Variants in OPCML observed in about 807,000 individuals in gnomAD.
The protein encoded by OPCML is opioid binding protein/cell adhesion molecule like.
A neutral mutation model predicts 37.8 loss-of-function variants in OPCML; 13 were observed. The observed-to-expected ratio is 0.34, with a 90% CI of 0.22 to 0.55. The LOEUF is 0.55. OPCML is among the 20% of genes least tolerant of loss of function. OPCML has a pLI of 0.91. For synonymous variants in OPCML, 176 were observed against 168.8 expected (o/e 1.04, Z -0.33); for missense variants, 341 against 435.6 (o/e 0.78, Z 1.93).
intron 1 of OPCML, among the ~76,000 whole-genome samples, chr11:133,052,526 C>T (rs543769220): frequency 1.3e-5 from 2 of 152,346 alleles, no homozygotes; most frequent in Non-Finnish European, 2.9e-5. Context: ...TAGGGGACAT[C>T]TGCCCTTCAC....
In OPCML at chr11:132,664,261, GT is replaced by G. The variant is rs144541101; in HGVS notation, c.147-6943del. Among the ~76,000 whole-genome samples, 20 of 151,566 alleles carry G rather than the reference GT, an allele frequency of 1.3e-4. No homozygotes were observed. In the East Asian group the frequency reaches 1.7e-3, roughly 13 times the overall value. On this transcript the variant is annotated intron_variant, in intron 2 of 7. Transcript: ENST00000524381. Reference sequence around the variant, plus strand: ...AGTTTTATGATTGCACATATATAAAGTTTTTTTTTAATAGTTACCACTGGAA... The same window carrying G: ...AGTTTTATGATTGCACATATATAAAGTTTTTTTTAATAGTTACCACTGGAA...
intron 1 of OPCML, among the ~76,000 whole-genome samples, chr11:132,961,955 T>C (rs562133659): frequency 1.9e-4 from 29 of 152,360 alleles, no homozygotes; most frequent in African/African-American, 7.0e-4. Context: ...CTCTGTCTTC[T>C]GGATGCCCTC....
rs186786585 is a variant in OPCML, at chr11:132,502,028, A to C, written c.505+27033T>G. ...ATGATACCATAAAACCCTATTCAGG[A>C]AAGTGGATAGATACTCAAGACCAAA... On this transcript the variant is annotated intron_variant, in intron 4 of 7. Coordinates refer to ENST00000524381, the MANE Select transcript of OPCML (RefSeq NM_001012393.5). Among the ~76,000 whole-genome samples, 578 of 152,326 alleles carry C rather than the reference A, an allele frequency of 3.8e-3. 1 individual carries two copies. The highest frequency in any genetic ancestry group is 6.4e-3 in the Non-Finnish European group (436 of 68,024).
intron 1 of OPCML, among the ~76,000 whole-genome samples, chr11:133,426,598 G>A (rs553454842): frequency 6.6e-6 from 1 of 152,050 alleles, no homozygotes; most frequent in Non-Finnish European, 1.5e-5. Flanking sequence ...GGCCCCCGAC[G>A]CCCACACCAA....
chr11:132,974,475 T>A (rs542127039), intron 1 of OPCML, among the ~76,000 whole-genome samples: 74 of 152,272 alleles, frequency 4.9e-4, no homozygotes, highest in Admixed American at 1.3e-3. Context: ...CCAGTTAGAA[T>A]GGCGATCATT....
intron 1 of OPCML, among the ~76,000 whole-genome samples, chr11:133,461,547 G>GA (rs1391203641): frequency 6.6e-6 from 1 of 151,728 alleles, no homozygotes; most frequent in Non-Finnish European, 1.5e-5. Context: ...AGACAATGGA[G>GA]AAAATCAGTA....
chr11:132,931,377 T>C (rs1945194945), intron 2 of OPCML, among the ~76,000 whole-genome samples: 1 of 152,054 alleles, frequency 6.6e-6, no homozygotes, highest in South Asian at 2.1e-4. Flanking sequence ...AAAAGAGTAA[T>C]AAGGCAATCC....
intron 2 of OPCML, among the ~76,000 whole-genome samples, chr11:132,873,345 A>T (rs1272354273): frequency 1.3e-5 from 2 of 152,212 alleles, no homozygotes; most frequent in Non-Finnish European, 2.9e-5. Context: ...GTTAGGTGAT[A>T]CGCTTTCCTT....
At chr11:132,500,490 T>G (rs1169498703) in intron 4 of OPCML, among the ~76,000 whole-genome samples, 1 of 152,218 alleles carries the variant, frequency 6.6e-6, no homozygotes, top group African/African-American at 2.4e-5. Context: ...TTGAAGCAGT[T>G]GTCCATATGG....
At chr11:133,128,670 T>C (rs1949556995) in intron 1 of OPCML, among the ~76,000 whole-genome samples, 1 of 152,180 alleles carries the variant, frequency 6.6e-6, no homozygotes. Context: ...GGGAGCTCTT[T>C]GTCTACTGAC....
chr11:133,250,014 C>T (rs1941074408), intron 1 of OPCML, among the ~76,000 whole-genome samples: 1 of 152,176 alleles, frequency 6.6e-6, no homozygotes, highest in African/African-American at 2.4e-5. Context: ...CTCAACTTGC[C>T]TGGTCAGAGA....
intron 1 of OPCML, among the ~76,000 whole-genome samples, chr11:133,121,211 T>C (rs487270): frequency 0.66 from 100,104 of 152,100 alleles, 33,089 homozygotes; most frequent in East Asian, 0.8. Context: ...GAGCCACTGT[T>C]CTTGGCCTCC....
chr11:132,690,033 T>A (rs1333592323), intron 2 of OPCML, among the ~76,000 whole-genome samples: 1 of 152,234 alleles, frequency 6.6e-6, no homozygotes, highest in Non-Finnish European at 1.5e-5. Flanking sequence ...GTGACAGTAC[T>A]GGATCACACT....
At chr11:132,618,240 C>T (rs1199340621) in intron 3 of OPCML, among the ~76,000 whole-genome samples, 1 of 152,132 alleles carries the variant, frequency 6.6e-6, no homozygotes, top group Non-Finnish European at 1.5e-5. Context: ...TTGGAGGGAG[C>T]TATTTATTTT....
rs371441649 is a variant in OPCML, at chr11:133,442,726, C to CGTGTGTGTGTGTGT, written c.61+89524_61+89537dup. 4.3e-3 allele frequency among the ~76,000 whole-genome samples: 603 copies of CGTGTGTGTGTGTGT among 141,442 alleles called. 7 individuals carry two copies. The highest frequency in any genetic ancestry group is 0.014 in the African/African-American group (539 of 38,422). 92.8% of individuals were successfully genotyped at this position (141,442 alleles called of 152,430 possible). A position where few individuals can be genotyped will look rare whatever the true frequency, so the allele number is the denominator to read the frequency against. ...GATTGCAAAAGCAAACATATTTAAA[C>CGTGTGTGTGTGTGT]GTGTGTGTGTGTGTGTGTGTGTGTG... On this transcript the variant is annotated intron_variant, in intron 1 of 7. Transcript: ENST00000524381.
chr11:132,452,971 T>C (rs2096072481), intron 4 of OPCML, among the ~76,000 whole-genome samples: 1 of 152,184 alleles, frequency 6.6e-6, no homozygotes, highest in Non-Finnish European at 1.5e-5. Context: ...AAGTCTCCTC[T>C]GTATAGTCTC....
chr11:132,676,784 A>AACAAGAAAAAAAAAAAAAAAAAAAAAAC (rs1942724932), intron 2 of OPCML, among the ~76,000 whole-genome samples: 1 of 148,664 alleles, frequency 6.7e-6, no homozygotes, highest in African/African-American at 2.5e-5. Context: ...AAAGAAAACA[A>AACAAGAAAAAAAAAAAAAAAAAAAAAAC]ACAAGAAAAA....
At chr11:133,398,439 A>G (rs1403892157) in intron 1 of OPCML, among the ~76,000 whole-genome samples, 1 of 152,152 alleles carries the variant, frequency 6.6e-6, no homozygotes, top group African/African-American at 2.4e-5. Flanking sequence ...CTCTGGGCCT[A>G]CTACAAAAGT....
intron 1 of OPCML, chr11:133,301,750 G>GT (rs1942784726): frequency 6.6e-6 from 1 of 152,120 alleles, no homozygotes; most frequent in African/African-American, 2.4e-5. Context: ...ATATTTATGT[G>GT]TGGAGGGTGG....
Sources: gnomAD v4.1 joint callset for allele counts (sites outside exome capture counted in the v4.1 genomes callset) on GRCh38, gnomAD v4.1.1 for gene constraint, MANE v1.5 for transcripts, NCBI Gene and HGNC (gene_info 2026-07-23, HGNC 2026-07-21) for gene names.